SHISA6: variants seen among roughly 807,000 people sequenced by gnomAD.
SHISA6 encodes the protein protein shisa-6.
In SHISA6, 22 loss-of-function variants were observed where a neutral mutation model predicts 47.9. The ratio of observed to expected loss-of-function variants is 0.46; its 90% CI spans 0.33 to 0.66. SHISA6 has a LOEUF of 0.66. Among genes scored for constraint, SHISA6 ranks in the 30% least tolerant of loss-of-function variants. SHISA6 has a pLI of 0.02. For missense variants in SHISA6, 680 were observed against 764.6 expected (o/e 0.89, Z 1.30); for synonymous variants, 388 against 337.8 (o/e 1.15, Z -1.63).
chr17:11,427,543 G>A (rs1208345516), intron 3 of SHISA6, among the ~76,000 whole-genome samples: 2 of 152,130 alleles, frequency 1.3e-5, no homozygotes, highest in African/African-American at 2.4e-5. Context: ...CCTCAGTGCT[G>A]AACTGGCCAG....
At chr17:11,468,750 G>GTGGC (rs1383532432) in intron 3 of SHISA6, among the ~76,000 whole-genome samples, 1 of 152,146 alleles carries the variant, frequency 6.6e-6, no homozygotes, top group Non-Finnish European at 1.5e-5. Flanking sequence ...GCCTGGCACA[G>GTGGC]TGGCTCACAC....
chr17:11,271,191 A>G (rs945232303), intron 2 of SHISA6, among the ~76,000 whole-genome samples: 2 of 151,374 alleles, frequency 1.3e-5, no homozygotes, highest in Admixed American at 6.6e-5. Context: ...GGAGAAAGAG[A>G]GCTGGTGGAG....
intron 3 of SHISA6, 40 bp downstream of exon 3, chr17:11,379,549 C>G (rs1486158821): frequency 7.2e-7 from 1 of 1,386,350 alleles, no homozygotes. Flanking sequence ...ACAGAGGTTG[C>G]CTAGGGAACG....
At chr17:11,528,597 GAGAAAGC>G (rs2071706000) in intron 3 of SHISA6, among the ~76,000 whole-genome samples, 1 of 152,176 alleles carries the variant, frequency 6.6e-6, no homozygotes, top group South Asian at 2.1e-4. Flanking sequence ...ATGGTCCACA[GAGAAAGC>G]ACTGAGACAC....
At chr17:11,336,971 T>C (rs959324623) in intron 2 of SHISA6, among the ~76,000 whole-genome samples, 6 of 152,084 alleles carry the variant, frequency 3.9e-5, no homozygotes, top group African/African-American at 9.7e-5. Flanking sequence ...CTGTGTGAGA[T>C]GAGATGAGGA....
At chr17:11,512,614 G>A (rs886166540) in intron 3 of SHISA6, among the ~76,000 whole-genome samples, 1 of 152,034 alleles carries the variant, frequency 6.6e-6, no homozygotes, top group African/African-American at 2.4e-5. Flanking sequence ...AACAAAACAA[G>A]TAGGTTGTAG....
intron 2 of SHISA6, among the ~76,000 whole-genome samples, chr17:11,338,397 A>AT (rs975503466): frequency 6.6e-6 from 1 of 151,758 alleles, no homozygotes; most frequent in African/African-American, 2.4e-5. Context: ...TTTTTTGTTT[A>AT]TTTTTTTGTT....
At position 11,241,309 on chromosome 17, in the gene SHISA6, C is replaced by A; in HGVS notation, c.-114C>A. 1 of 624,350 alleles carries A rather than the reference C, an allele frequency of 1.6e-6. No homozygotes were observed. The highest frequency in any genetic ancestry group is 2.0e-6 in the Non-Finnish European group (1 of 500,674). 38.7% of individuals were successfully genotyped at this position (624,350 alleles called of 1,614,324 possible). On this transcript the variant is annotated 5_prime_UTR_variant, in exon 1 of 6. Transcript: ENST00000441885. This position sits in a 1 kb window ranked among gnomAD's most constrained non-coding sequence, Gnocchi z 5.5. ...CTCGATGGCGCCATCGCCCCGGAGC[C>A]GCTGACCGCTCAGCGCCTCCAGCCC...
intron 3 of SHISA6, among the ~76,000 whole-genome samples, chr17:11,514,432 G>A (rs530118527): frequency 4.8e-4 from 73 of 152,190 alleles, no homozygotes; most frequent in Middle Eastern, 3.4e-3. Context: ...TTTTTTCAGG[G>A]GAAGCAATTC....
chr17:11,452,372 A>G (rs2142306645), intron 3 of SHISA6, among the ~76,000 whole-genome samples: 1 of 152,298 alleles, frequency 6.6e-6, no homozygotes, highest in East Asian at 1.9e-4. Flanking sequence ...CATACATGTA[A>G]GCCCAGTCCT....
intron 2 of SHISA6, among the ~76,000 whole-genome samples, chr17:11,328,209 G>A (rs1910975012): frequency 6.6e-6 from 1 of 152,116 alleles, no homozygotes; most frequent in Admixed American, 6.5e-5. Context: ...CTGGACTCGG[G>A]CCACACACAT....
Position 11,360,599 on chromosome 17 carries a change from G to C in SHISA6, c.800-18815G>C, listed in dbSNP as rs372860774. The stretch of plus-strand genomic sequence containing the variant: ...AAAAAAAGAGAACACATGGACACAG[G>C]GAGGGGAACATCACACACCGGGGCC... On this transcript the variant is annotated intron_variant, in intron 2 of 5. Transcript: ENST00000441885. Among the ~76,000 whole-genome samples the C allele has an allele frequency of 4.0e-4, 61 of 151,818 alleles. 2 individuals are homozygous for C. The South Asian group carries it at 0.013, about 32-fold the overall frequency.
intron 3 of SHISA6, among the ~76,000 whole-genome samples, chr17:11,469,830 A>C (rs1245087448): frequency 6.6e-6 from 1 of 152,198 alleles, no homozygotes; most frequent in Non-Finnish European, 1.5e-5. Flanking sequence ...TTACTGTGAT[A>C]GAAATCCTTA....
chr17:11,547,888 A>G (rs1325280111), intron 3 of SHISA6, among the ~76,000 whole-genome samples: 1 of 152,218 alleles, frequency 6.6e-6, no homozygotes, highest in Admixed American at 6.5e-5. Context: ...GTTTTAAGCT[A>G]AGGAAGTTTA....
chr17:11,340,149 CT>C (rs1423568983), intron 2 of SHISA6, among the ~76,000 whole-genome samples: 1 of 152,202 alleles, frequency 6.6e-6, no homozygotes, highest in Non-Finnish European at 1.5e-5. Flanking sequence ...ACCATGTAAG[CT>C]TGAGCACCAA....
rs767501133 is a variant in SHISA6 at position 11,427,795 on chromosome 17, A to C, written c.895+48286A>C. ...CCAAATCCACCACATGAATAGAAAA[A>C]AAAAAATTTCACATGCAATGCCTGG... On this transcript the variant is annotated intron_variant, in intron 3 of 5. Coordinates refer to ENST00000441885, the MANE Select transcript of SHISA6 (RefSeq NM_207386.4). Among the ~76,000 whole-genome samples the C allele has an allele frequency of 2.6e-5, 4 of 152,116 alleles. No individual in the cohort carries two copies. The East Asian group carries it at 7.7e-4, about 29-fold the overall frequency.
chr17:11,346,766 T>C (rs1911713140), intron 2 of SHISA6, among the ~76,000 whole-genome samples: 1 of 152,214 alleles, frequency 6.6e-6, no homozygotes, highest in African/African-American at 2.4e-5. Context: ...ATATCTTGAA[T>C]AGAAATGTTT....
At position 11,286,037 on chromosome 17, in the gene SHISA6, T is replaced by C. The variant is rs149477977; in HGVS notation, c.799+22511T>C. On this transcript the variant is annotated intron_variant, in intron 2 of 5. Transcript: ENST00000441885. The stretch of plus-strand genomic sequence containing the variant: ...ATTTTTAGTAGAGACAAGGTTTTAC[T>C]GTGTTAGCCAGGATGGTCTCGAACT... Among the ~76,000 whole-genome samples, 874 of 152,136 alleles carry C rather than the reference T, an allele frequency of 5.7e-3. 10 individuals are homozygous for C. The highest frequency in any genetic ancestry group is 0.02 in the African/African-American group (829 of 41,516).
At chr17:11,424,119 A>G (rs1914536478) in intron 3 of SHISA6, among the ~76,000 whole-genome samples, 3 of 152,210 alleles carry the variant, frequency 2.0e-5, no homozygotes, top group African/African-American at 7.2e-5. Flanking sequence ...AGAATATGGA[A>G]GAAACAGTCT....
Sources: allele counts gnomAD v4.1 joint callset (sites outside exome capture counted in the v4.1 genomes callset), GRCh38; gene constraint gnomAD v4.1.1; non-coding constraint Gnocchi (gnomAD v3.1); transcripts MANE v1.5; gene names NCBI Gene and HGNC (gene_info 2026-07-23, HGNC 2026-07-21).